The following NEK7 variants were observed in gnomAD, a reference collection of about 807,000 sequenced individuals.
NEK7 encodes the protein NIMA related kinase 7.
NEK7 carries 18 observed loss-of-function variants against 44.6 expected under a neutral mutation model. The observed-to-expected ratio is 0.40, with a 90% CI of 0.28 to 0.60. The LOEUF (loss-of-function observed/expected upper bound fraction) is 0.60, where lower values mean the gene tolerates loss of function less well. NEK7 is among the 20% of genes least tolerant of loss of function. The pLI, the probability that NEK7 is intolerant of heterozygous loss-of-function variation, is 0.38. For synonymous variants in NEK7, 130 were observed against 121.1 expected (o/e 1.07, Z -0.48); for missense variants, 256 against 366.5 (o/e 0.70, Z 2.46).
chr1:198,171,119 C>G (rs1480406534), intron 1 of NEK7, among the ~76,000 whole-genome samples: 1 of 151,998 alleles, frequency 6.6e-6, no homozygotes, highest in Non-Finnish European at 1.5e-5. Flanking sequence ...GAATTAAGTT[C>G]AGACTTGAAA....
At chr1:198,317,555 TG>T (rs1323074399) in intron 9 of NEK7, among the ~76,000 whole-genome samples, 1 of 152,210 alleles carries the variant, frequency 6.6e-6, no homozygotes, top group Admixed American at 6.5e-5. Flanking sequence ...TCATTCTTAG[TG>T]GTTGGAAATT....
intron 1 of NEK7, among the ~76,000 whole-genome samples, chr1:198,204,174 C>T (rs1440781629): frequency 6.6e-6 from 1 of 152,010 alleles, no homozygotes; most frequent in Non-Finnish European, 1.5e-5. Context: ...GCGGGAGGAT[C>T]TCTGGAGCCC....
At chr1:198,226,968 T>A (rs1222469191) in intron 1 of NEK7, among the ~76,000 whole-genome samples, 1 of 152,184 alleles carries the variant, frequency 6.6e-6, no homozygotes, top group Non-Finnish European at 1.5e-5. Flanking sequence ...GCTGCACCCA[T>A]TAACTTGTCA....
chr1:198,189,729 G>T (rs1665020145), intron 1 of NEK7, among the ~76,000 whole-genome samples: 2 of 152,036 alleles, frequency 1.3e-5, no homozygotes, highest in Admixed American at 1.3e-4. Flanking sequence ...CATTCCTTCT[G>T]GGGCTGCTTT....
intron 5 of NEK7, among the ~76,000 whole-genome samples, chr1:198,275,555 A>G (rs1439070318): frequency 6.6e-6 from 1 of 150,984 alleles, no homozygotes; most frequent in Non-Finnish European, 1.5e-5. Context: ...TTTTCAAGGG[A>G]AACAGGATTT....
At chr1:198,313,205 G>A (rs1179630003) in intron 9 of NEK7, among the ~76,000 whole-genome samples, 1 of 152,096 alleles carries the variant, frequency 6.6e-6, no homozygotes, top group Non-Finnish European at 1.5e-5. Flanking sequence ...GGCCTTCTTT[G>A]TCTCTTTTGA....
intron 7 of NEK7, 50 bp downstream of exon 7, chr1:198,279,111 A>G: frequency 9.0e-7 from 1 of 1,112,682 alleles, no homozygotes; most frequent in South Asian, 1.3e-5. Flanking sequence ...ATGTGTGATT[A>G]AAAGATAAGA....
chr1:198,266,126 C>T (rs897878192), intron 5 of NEK7, among the ~76,000 whole-genome samples: 1 of 151,956 alleles, frequency 6.6e-6, no homozygotes, highest in Non-Finnish European at 1.5e-5. Context: ...AGACACATCA[C>T]GATTTATTTT....
intron 9 of NEK7, among the ~76,000 whole-genome samples, chr1:198,318,638 T>A (rs1239319738): frequency 1.3e-5 from 2 of 152,186 alleles, no homozygotes; most frequent in Non-Finnish European, 2.9e-5. Flanking sequence ...TCATATACAA[T>A]GTTATGATGA....
At chr1:198,282,180 C>T (rs927132482) in intron 7 of NEK7, among the ~76,000 whole-genome samples, 23 of 152,066 alleles carry the variant, frequency 1.5e-4, no homozygotes, top group African/African-American at 4.1e-4. Context: ...AGAGATTACA[C>T]TCTTTTGTTT....
At chr1:198,209,021 G>T (rs1412493861) in intron 1 of NEK7, among the ~76,000 whole-genome samples, 1 of 133,174 alleles carries the variant, frequency 7.5e-6, no homozygotes, top group East Asian at 2.4e-4. Context: ...ATGCATTAAA[G>T]CATATATGTG....
chr1:198,214,384 T>C (rs1665859111), intron 1 of NEK7, among the ~76,000 whole-genome samples: 1 of 152,076 alleles, frequency 6.6e-6, no homozygotes, highest in African/African-American at 2.4e-5. Flanking sequence ...ATTAAGTTAC[T>C]CAAGGAGATA....
intron 3 of NEK7, among the ~76,000 whole-genome samples, chr1:198,258,531 A>G (rs1315210759): frequency 2.6e-5 from 4 of 152,212 alleles, no homozygotes; most frequent in Admixed American, 1.3e-4. Context: ...TAACAATTTG[A>G]CATATGCCTT....
Position 198,254,766 on chromosome 1 carries a change from G to T in NEK7, c.198+1586G>T, listed in dbSNP as rs1009909634. Among the ~76,000 whole-genome samples the T allele has an allele frequency of 2.0e-5, 3 of 152,144 alleles. 1 individual carries two copies. Among genetic ancestry groups the T allele is most frequent in the Admixed American group, 1.3e-4 (2 of 15,248 alleles). On this transcript the variant is annotated intron_variant, in intron 3 of 9. Coordinates refer to ENST00000367385, the MANE Select transcript of NEK7 (RefSeq NM_133494.3). Reference sequence around the variant, plus strand: ...CAAGTTGCTTTCCAAAGTTGCACTGGTGTAAGTTTTCGCCAGCAGCATATA... The same window carrying T: ...CAAGTTGCTTTCCAAAGTTGCACTGTTGTAAGTTTTCGCCAGCAGCATATA...
Position 198,157,200 on chromosome 1 carries a change from A to G in NEK7, c.-105A>G, listed in dbSNP as rs1041476442. On this transcript the variant is annotated 5_prime_UTR_variant, in exon 1 of 10. Transcript: ENST00000367385. ...AGCCCCCGGCCCAGCGCGCTTTCCG[A>G]CGGCGGCGCCGCGCCGAGCCACCCG... 6.6e-5 allele frequency: 10 copies of G among 151,450 alleles called. No individual in the cohort carries two copies. Among genetic ancestry groups the G allele is most frequent in the African/African-American group, 2.4e-4 (10 of 41,234 alleles). 9.4% of individuals were successfully genotyped at this position (151,450 alleles called of 1,614,324 possible).
intron 1 of NEK7, among the ~76,000 whole-genome samples, chr1:198,165,845 A>T (rs1200725723): frequency 6.6e-6 from 1 of 152,248 alleles, no homozygotes; most frequent in Non-Finnish European, 1.5e-5. Flanking sequence ...TGTTTTATCC[A>T]TATTGGAAAT....
intron 1 of NEK7, among the ~76,000 whole-genome samples, chr1:198,209,559 A>G (rs900695961): frequency 6.6e-6 from 1 of 152,218 alleles, no homozygotes; most frequent in African/African-American, 2.4e-5. Flanking sequence ...TACGTATAAC[A>G]TGGAAATTTG....
intron 1 of NEK7, among the ~76,000 whole-genome samples, chr1:198,174,110 CTT>C (rs1294507090): frequency 1.7e-4 from 26 of 152,284 alleles, no homozygotes; most frequent in African/African-American, 6.3e-4. Flanking sequence ...CCTAGGTTAA[CTT>C]TGCACCATCC....
chr1:198,181,936 T>C (rs960333737), intron 1 of NEK7, among the ~76,000 whole-genome samples: 6 of 152,066 alleles, frequency 3.9e-5, no homozygotes, highest in African/African-American at 1.4e-4. Flanking sequence ...TGAAATGATT[T>C]CATTTGTTAG....
Sources: allele counts gnomAD v4.1 joint callset (sites outside exome capture counted in the v4.1 genomes callset), GRCh38; gene constraint gnomAD v4.1.1; transcripts MANE v1.5; gene names NCBI Gene and HGNC (gene_info 2026-07-23, HGNC 2026-07-21).